Variants in PCNX1 observed in about 807,000 individuals in gnomAD.
PCNX1 encodes the protein pecanex-like protein 1.
PCNX1 carries 78 observed loss-of-function variants against 242.2 expected under a neutral mutation model. The ratio of observed to expected loss-of-function variants is 0.32; its 90% CI spans 0.27 to 0.39. The LOEUF (loss-of-function observed/expected upper bound fraction) is 0.39. Among genes scored for constraint, PCNX1 ranks in the 10% least tolerant of loss-of-function variants. The pLI, the probability that PCNX1 is intolerant of heterozygous loss-of-function variation, is 1.00. For synonymous variants in PCNX1, 1,024 were observed against 1,032.9 expected, an observed-to-expected ratio of 0.99 and a Z score of 0.17; for missense variants, 2,581 against 2,856.5, an observed-to-expected ratio of 0.90 and a Z score of 2.20.
chr14:71,081,065 G>A (rs2061842268), intron 28 of PCNX1, among the ~76,000 whole-genome samples: 1 of 152,188 alleles, frequency 6.6e-6, no homozygotes, highest in Non-Finnish European at 1.5e-5. Context: ...TTTATGGAGA[G>A]TTTTTAGCAT....
intron 1 of PCNX1, among the ~76,000 whole-genome samples, chr14:70,930,673 C>T (rs1490009479): frequency 6.6e-6 from 1 of 152,112 alleles, no homozygotes; most frequent in African/African-American, 2.4e-5. Context: ...CACTTGTAAA[C>T]CAGTTGCCTT....
At chr14:70,987,820 G>A (rs925960681) in intron 6 of PCNX1, among the ~76,000 whole-genome samples, 2 of 152,100 alleles carry the variant, frequency 1.3e-5, no homozygotes, top group African/African-American at 4.8e-5. Context: ...AAACAATAAA[G>A]TACAAACATT....
Position 71,097,214 on chromosome 14 carries a change from T to C in PCNX1, c.5590-4776T>C, listed in dbSNP as rs544649009. On this transcript the variant is annotated intron_variant, in intron 30 of 35. Transcript: ENST00000304743. ...CTCATTTCCTTTATCCAATTTACCATTGATGGGCACCTAGATTGATTCTGC... is the reference window on the plus strand; with the variant it reads ...CTCATTTCCTTTATCCAATTTACCACTGATGGGCACCTAGATTGATTCTGC... Among the ~76,000 whole-genome samples the C allele has an allele frequency of 5.3e-5, 8 of 152,350 alleles. No homozygotes were observed. In the South Asian group the frequency reaches 8.3e-4, roughly 16 times the overall value.
intron 19 of PCNX1, among the ~76,000 whole-genome samples, chr14:71,039,526 T>C (rs1173060575): frequency 6.6e-6 from 1 of 152,226 alleles, no homozygotes; most frequent in African/African-American, 2.4e-5. Context: ...CTGTACTCTT[T>C]TATAACCTGG....
rs1429371138 is a variant in PCNX1 at position 71,114,708 on chromosome 14, C to T, written c.*4773C>T. The T allele has an allele frequency of 6.6e-6, 1 of 152,398 alleles. No individual in the cohort carries two copies. The highest frequency in any genetic ancestry group is 1.5e-5 in the Non-Finnish European group (1 of 67,994). 9.4% of individuals were successfully genotyped at this position (152,398 alleles called of 1,614,324 possible). A position where few individuals can be genotyped will look rare whatever the true frequency, so the allele number is the denominator to read the frequency against. ...TTTTTCTTATGCCTCAGCTCTGTACCTGACAATTTATGATTCAGTGGAGCC... is the reference window on the plus strand; with the variant it reads ...TTTTTCTTATGCCTCAGCTCTGTACTTGACAATTTATGATTCAGTGGAGCC... On this transcript the variant is annotated 3_prime_UTR_variant, in exon 36 of 36. Transcript: ENST00000304743.
At position 70,972,326 on chromosome 14, in the gene PCNX1, C is replaced by T. The variant is rs1331436573; in HGVS notation, c.604+3216C>T. 1.3e-5 allele frequency among the ~76,000 whole-genome samples: 2 copies of T among 151,568 alleles called. 1 individual carries two copies. The highest frequency in any genetic ancestry group is 2.9e-5 in the Non-Finnish European group (2 of 67,980). ...CAGGTGCTGTTAGACCTGTAAGCAG[C>T]AATGAGTAGATAAGAGAGGTCCAGA... On this transcript the variant is annotated intron_variant, in intron 5 of 35. Transcript: ENST00000304743.
chr14:70,933,291 A>G (rs529733031), intron 1 of PCNX1, among the ~76,000 whole-genome samples: 1 of 152,186 alleles, frequency 6.6e-6, no homozygotes, highest in Non-Finnish European at 1.5e-5. Flanking sequence ...GAAGGAGAAG[A>G]GCTTGATGAC....
intron 19 of PCNX1, among the ~76,000 whole-genome samples, 171 bp from the exon 20 acceptor site, chr14:71,044,962 T>A (rs915958970): frequency 1.3e-5 from 2 of 152,246 alleles, no homozygotes; most frequent in Non-Finnish European, 2.9e-5. Context: ...TCAAGGCTGA[T>A]TAGAACAAAC....
At chr14:71,087,138 A>G (rs2062014669) in intron 28 of PCNX1, among the ~76,000 whole-genome samples, 1 of 152,152 alleles carries the variant, frequency 6.6e-6, no homozygotes, top group African/African-American at 2.4e-5. Flanking sequence ...TTTTCTTTAT[A>G]CAACTTCAAG....
intron 7 of PCNX1, among the ~76,000 whole-genome samples, chr14:70,989,834 A>C (rs990531199): frequency 4.6e-5 from 7 of 152,170 alleles, no homozygotes; most frequent in African/African-American, 1.4e-4. Context: ...GTTCTGCCCC[A>C]AAAATGGATA....
rs1356702698 is a variant in PCNX1, at chr14:71,023,217, T to G, written c.3168T>G (p.Ser1056=). The change falls in exon 13 of 36, where the codon TCT becomes TCG. Residue 1056 remains serine, a synonymous_variant. Transcript: ENST00000304743. ...ATTTTTAGAGTGTTCAACCAGATTC[T>G]TCTTCTCCCAGACATGTAAGTCACT... The part of the protein sequence containing the change: ...YSLLKSVQPD[S]SSPRHGHNRI... 2.5e-6 allele frequency: 4 copies of G among 1,605,152 alleles called. No homozygotes were observed. The highest frequency in any genetic ancestry group is 3.4e-6 in the Non-Finnish European group (4 of 1,172,152).
chr14:71,015,852 A>G (rs1480758670), intron 11 of PCNX1, among the ~76,000 whole-genome samples: 1 of 152,174 alleles, frequency 6.6e-6, no homozygotes, highest in Non-Finnish European at 1.5e-5. Flanking sequence ...ATTAGATAAA[A>G]AAGAACAACA....
chr14:70,924,872 C>T (rs963643021), intron 1 of PCNX1, among the ~76,000 whole-genome samples: 3 of 152,042 alleles, frequency 2.0e-5, no homozygotes, highest in Non-Finnish European at 4.4e-5. Context: ...GGATTACAGG[C>T]ATGAGCCACT....
intron 11 of PCNX1, among the ~76,000 whole-genome samples, chr14:71,016,697 A>G (rs904842397): frequency 2.0e-5 from 3 of 152,192 alleles, no homozygotes; most frequent in African/African-American, 4.8e-5. Context: ...AAAACACACC[A>G]TATCTGAATT....
intron 1 of PCNX1, among the ~76,000 whole-genome samples, chr14:70,934,597 T>G (rs1381167937): frequency 6.6e-6 from 1 of 152,204 alleles, no homozygotes; most frequent in Non-Finnish European, 1.5e-5. Context: ...TAACCATTTT[T>G]AAGTATACTC....
chr14:70,968,382 A>ATTAAAGGTTGGTTGACT, intron 4 of PCNX1, 139 bp downstream of exon 4: 1 of 562,620 alleles, frequency 1.8e-6, no homozygotes, highest in South Asian at 3.0e-5. Flanking sequence ...TATTTATCTT[A>ATTAAAGGTTGGTTGACT]TTAAAGGTTG....
chr14:71,005,898 C>G (rs1042652684), intron 8 of PCNX1, among the ~76,000 whole-genome samples: 1 of 150,842 alleles, frequency 6.6e-6, no homozygotes, highest in Non-Finnish European at 1.5e-5. Flanking sequence ...AATAAGACTG[C>G]TAAGAAATAC....
intron 17 of PCNX1, 85 bp downstream of exon 17, chr14:71,033,623 C>T: frequency 1.3e-6 from 1 of 744,142 alleles, no homozygotes; most frequent in Non-Finnish European, 2.3e-6. Context: ...TCTCTTTTTC[C>T]CAATGCCTTT....
In PCNX1 at chr14:70,986,587, A is replaced by G. The variant is rs927058783; in HGVS notation, c.2312-1980A>G. Among the ~76,000 whole-genome samples the G allele has an allele frequency of 2.6e-5, 4 of 152,230 alleles. No individual in the cohort carries two copies. In the East Asian group the frequency reaches 7.7e-4, roughly 29 times the overall value. ...ATTAAGTCTTCAGTAGAAGGAAGAT[A>G]GTAAAGAAAACCGTCTCATGTTTCT... On this transcript the variant is annotated intron_variant, in intron 6 of 35. Transcript: ENST00000304743.
Sources: gnomAD v4.1 joint callset for allele counts (sites outside exome capture counted in the v4.1 genomes callset) on GRCh38, gnomAD v4.1.1 for gene constraint, MANE v1.5 for transcripts, NCBI Gene and HGNC (gene_info 2026-07-23, HGNC 2026-07-21) for gene names.